Variants in PLCL1 observed in about 807,000 individuals in gnomAD.
PLCL1 encodes the protein inactive phospholipase C-like protein 1.
Under a neutral mutation model 84.4 loss-of-function variants are expected in PLCL1, and 41 were observed. The ratio of observed to expected loss-of-function variants is 0.49; its 90% CI spans 0.38 to 0.63. PLCL1 has a LOEUF of 0.63. Ranked by LOEUF, PLCL1 falls within the 30% of genes least tolerant of loss-of-function variation. The pLI, the probability that PLCL1 is intolerant of heterozygous loss-of-function variation, is 0.00. For missense variants in PLCL1, 1,206 were observed against 1,367.8 expected (o/e 0.88, Z 1.87); for synonymous variants, 490 against 488.3 (o/e 1.00, Z -0.05).
intron 1 of PLCL1, among the ~76,000 whole-genome samples, chr2:197,881,957 T>C (rs1256948220): frequency 6.6e-6 from 1 of 152,142 alleles, no homozygotes. Flanking sequence ...TTATATGTTT[T>C]CTCACCTCTC....
At chr2:198,143,781 G>A (rs951227874) in intron 5 of PLCL1, among the ~76,000 whole-genome samples, 2 of 152,074 alleles carry the variant, frequency 1.3e-5, no homozygotes, top group Non-Finnish European at 2.9e-5. Flanking sequence ...AAAGATGACT[G>A]CTATTCCTCC....
intron 1 of PLCL1, among the ~76,000 whole-genome samples, chr2:197,932,141 A>C (rs902188954): frequency 6.6e-6 from 1 of 152,126 alleles, no homozygotes; most frequent in Non-Finnish European, 1.5e-5. Flanking sequence ...TATTGATTGC[A>C]CGGTCCTCTG....
At chr2:198,101,568 G>A (rs922490369) in intron 4 of PLCL1, among the ~76,000 whole-genome samples, 2 of 151,992 alleles carry the variant, frequency 1.3e-5, no homozygotes, top group African/African-American at 2.4e-5. Context: ...TTGTATGTGA[G>A]CGTACAGGGT....
intron 1 of PLCL1, among the ~76,000 whole-genome samples, chr2:197,869,669 G>A (rs1018539745): frequency 6.6e-6 from 1 of 152,132 alleles, no homozygotes; most frequent in African/African-American, 2.4e-5. Context: ...TTTCTTTGCT[G>A]AGCCATCACT....
chr2:198,084,579 A>G lies in PLCL1; in HGVS notation c.1062A>G (p.Leu354=), dbSNP rs1161347227. 6.2e-7 allele frequency: 1 copy of G among 1,613,770 alleles called. No homozygotes were observed. The highest frequency in any genetic ancestry group is 8.5e-7 in the Non-Finnish European group (1 of 1,179,648). ...GVTHITEDIC[L]DIIRRYELSE... ...CCCATATCACCGAGGATATATGCTT[A>G]GACATCATAAGGAGATACGAACTTT... The change falls in exon 2 of 6, where the codon TTA becomes TTG. Residue 354 remains leucine, a synonymous_variant. Coordinates refer to ENST00000428675, the MANE Select transcript of PLCL1 (RefSeq NM_006226.4).
chr2:197,956,767 C>A (rs28482067), intron 1 of PLCL1, among the ~76,000 whole-genome samples: 19 of 151,504 alleles, frequency 1.3e-4, no homozygotes, highest in African/African-American at 4.6e-4. Context: ...TTGATGAGGT[C>A]GTTTGTTTTT....
intron 1 of PLCL1, among the ~76,000 whole-genome samples, chr2:197,870,074 T>G (rs968611393): frequency 2.0e-5 from 3 of 152,146 alleles, no homozygotes; most frequent in Non-Finnish European, 4.4e-5. Context: ...GAGTTTTTGT[T>G]TTGTGTCTCC....
intron 1 of PLCL1, among the ~76,000 whole-genome samples, chr2:198,005,104 C>A (rs1690698835): frequency 6.6e-6 from 1 of 152,146 alleles, no homozygotes; most frequent in South Asian, 2.1e-4. Context: ...AAAGGATTTT[C>A]TTTTTAAACT....
intron 1 of PLCL1, among the ~76,000 whole-genome samples, chr2:197,978,663 A>G (rs566298189): frequency 3.2e-4 from 49 of 152,370 alleles, no homozygotes; most frequent in African/African-American, 1.1e-3. Flanking sequence ...AATTATTTAG[A>G]CACTTCTTCC....
chr2:198,045,303 C>T (rs1370108687), intron 1 of PLCL1, among the ~76,000 whole-genome samples: 2 of 152,038 alleles, frequency 1.3e-5, no homozygotes, highest in Non-Finnish European at 2.9e-5. Context: ...TTAGAGTCAA[C>T]TGATTATTCA....
intron 5 of PLCL1, among the ~76,000 whole-genome samples, chr2:198,104,824 GTCT>G (rs1378276152): frequency 1.3e-5 from 2 of 152,032 alleles, no homozygotes; most frequent in Non-Finnish European, 2.9e-5. Flanking sequence ...CCGCGTATAT[GTCT>G]TCTTTTGAAA....
intron 5 of PLCL1, among the ~76,000 whole-genome samples, chr2:198,134,101 T>C (rs542650355): frequency 6.6e-6 from 1 of 152,288 alleles, no homozygotes; most frequent in South Asian, 2.1e-4. Context: ...TGCTACTCAT[T>C]CAACTTTTGT....
chr2:197,890,532 T>C (rs964459133), intron 1 of PLCL1, among the ~76,000 whole-genome samples: 1 of 151,862 alleles, frequency 6.6e-6, no homozygotes, highest in Admixed American at 6.6e-5. Context: ...ATATACATGC[T>C]TATTATACAA....
At chr2:197,998,477 AATCATT>A (rs1690522320) in intron 1 of PLCL1, among the ~76,000 whole-genome samples, 1 of 151,980 alleles carries the variant, frequency 6.6e-6, no homozygotes, top group Non-Finnish European at 1.5e-5. Flanking sequence ...ACCTTTGTAA[AATCATT>A]ATTTGTCCCT....
chr2:198,134,398 C>T (rs189892373), intron 5 of PLCL1, among the ~76,000 whole-genome samples: 67 of 152,168 alleles, frequency 4.4e-4, no homozygotes, highest in Admixed American at 1.7e-3. Context: ...TAAGAAGTAG[C>T]ATGTTTTATT....
intron 5 of PLCL1, among the ~76,000 whole-genome samples, chr2:198,127,355 A>C (rs1365247297): frequency 6.6e-6 from 1 of 152,172 alleles, no homozygotes; most frequent in African/African-American, 2.4e-5. Context: ...GTGTATATTA[A>C]AATTTTCCAA....
At chr2:197,943,574 C>A (rs1305125223) in intron 1 of PLCL1, among the ~76,000 whole-genome samples, 17 of 149,144 alleles carry the variant, frequency 1.1e-4, no homozygotes, top group Admixed American at 1.1e-3. Flanking sequence ...CTTCCTATAC[C>A]TTTCCTCACT....
At chr2:198,087,426 G>A (rs77954206) in intron 2 of PLCL1, among the ~76,000 whole-genome samples, 8,846 of 152,112 alleles carry the variant, frequency 0.058, 363 homozygotes, top group Middle Eastern at 0.1. Context: ...GATATTCACC[G>A]AGTACCTGCA....
At chr2:197,836,580 T>C (rs977918347) in intron 1 of PLCL1, among the ~76,000 whole-genome samples, 17 of 152,190 alleles carry the variant, frequency 1.1e-4, no homozygotes, top group Non-Finnish European at 2.4e-4. Flanking sequence ...TTGTTAGCTC[T>C]GTTAAAACAG....
Sources: allele counts gnomAD v4.1 joint callset (sites outside exome capture counted in the v4.1 genomes callset), GRCh38; gene constraint gnomAD v4.1.1; transcripts MANE v1.5; gene names NCBI Gene and HGNC (gene_info 2026-07-23, HGNC 2026-07-21).